Variants in ACACB observed in about 807,000 individuals in gnomAD.
ACACB encodes the protein acetyl-CoA carboxylase beta, also known as acetyl-CoA carboxylase 2.
A neutral mutation model predicts 278.8 loss-of-function variants in ACACB; 209 were observed. The ratio of observed to expected loss-of-function variants is 0.75; its 90% CI spans 0.67 to 0.84. The LOEUF (loss-of-function observed/expected upper bound fraction) is 0.84. ACACB is among the 40% of genes least tolerant of loss of function. The pLI, the probability that ACACB is intolerant of heterozygous loss-of-function variation, is 0.00. For synonymous variants in ACACB, 1,174 were observed against 1,285.6 expected (o/e 0.91, Z 1.86); for missense variants, 2,850 against 3,269.0 (o/e 0.87, Z 3.13).
intron 19 of ACACB, among the ~76,000 whole-genome samples, chr12:109,206,239 T>G (rs1370451545): frequency 1.3e-5 from 2 of 151,864 alleles, no homozygotes; most frequent in Admixed American, 1.3e-4. Flanking sequence ...ATCAAGACCA[T>G]CCTGGCCAAC....
chr12:109,254,199 G>C lies in ACACB; in HGVS notation c.6046-15G>C. Reference sequence around the variant, plus strand: ...GCACCACAGACTAAGTCAGAGACTTGGCTTTCTTTTTTAGGATAATCACAG... The same window carrying C: ...GCACCACAGACTAAGTCAGAGACTTCGCTTTCTTTTTTAGGATAATCACAG... On this transcript the variant is annotated splice_polypyrimidine_tract_variant and intron_variant, in intron 43 of 52. Coordinates refer to ENST00000338432, the MANE Select transcript of ACACB (RefSeq NM_001093.4). The C allele has an allele frequency of 6.2e-7, 1 of 1,613,454 alleles. No individual in the cohort carries two copies. The highest frequency in any genetic ancestry group is 8.5e-7 in the Non-Finnish European group (1 of 1,179,648).
intron 4 of ACACB, among the ~76,000 whole-genome samples, chr12:109,168,645 G>A (rs2043999758): frequency 6.6e-6 from 1 of 151,714 alleles, no homozygotes; most frequent in African/African-American, 2.4e-5. Flanking sequence ...ATAAGACCCT[G>A]TCTCTACAAA....
At chr12:109,143,766 A>T (rs2043175886) in intron 2 of ACACB, among the ~76,000 whole-genome samples, 1 of 152,054 alleles carries the variant, frequency 6.6e-6, no homozygotes, top group Non-Finnish European at 1.5e-5. Context: ...CACATCAAAG[A>T]ATCTTCAGGG....
rs761612668 is a variant in ACACB, at chr12:109,265,486, C to T, written c.7211C>T (p.Thr2404Met). The T allele has an allele frequency of 1.4e-5, 23 of 1,613,778 alleles. No homozygotes were observed. The highest frequency in any genetic ancestry group is 5.3e-5 in the African/African-American group (4 of 75,042). ...CGCTCCACCATCCGTGAGAACATCA[C>T]GTACCTGAAGCACGACTCTGTCCTC... ...GPRSTIRENI[T>M]YLKHDSVLKT... is the part of the protein sequence containing the mutation. Residue 2404 changes from threonine to methionine, a missense_variant, in exon 52 of 53, where the codon ACG (threonine) becomes ATG (methionine). Physicochemically the swap from Thr to Met is moderately conservative, Grantham distance 81. Transcript: ENST00000338432.
In ACACB at chr12:109,210,201, A is replaced by G. The variant is rs1455515376; in HGVS notation, c.3249+848A>G. Among the ~76,000 whole-genome samples, 13 of 13,568 alleles carry G rather than the reference A, an allele frequency of 9.6e-4. 2 individuals carry two copies. The highest frequency in any genetic ancestry group is 3.3e-3 in the South Asian group (2 of 610). 8.9% of individuals were successfully genotyped at this position (13,568 alleles called of 152,430 possible). On this transcript the variant is annotated intron_variant, in intron 21 of 52. Transcript: ENST00000338432. ...TATATATACACACGTGTGTATATGTATATATGTATATATACACACATGTGT... is the reference window on the plus strand; with the variant it reads ...TATATATACACACGTGTGTATATGTGTATATGTATATATACACACATGTGT...
At position 109,209,343 on chromosome 12, in the gene ACACB, C is replaced by G. The variant is rs752965758; in HGVS notation, c.3239C>G (p.Pro1080Arg). Reference sequence around the variant, plus strand: ...ATCACCTCGGTGCTGTGCCAGTTCCCCAGCCAGCAGGTGCGTGCTCCCCTG... The same window carrying G: ...ATCACCTCGGTGCTGTGCCAGTTCCGCAGCCAGCAGGTGCGTGCTCCCCTG... ...SNITSVLCQF[P>R]SQQIATILDC... Residue 1080 changes from proline to arginine, a missense_variant, in exon 21 of 53, where the codon CCC becomes CGC. Pro to Arg is a moderately radical substitution (Grantham distance 103, BLOSUM62 -2). This residue lies in a region of ACACB where 2,265 missense variants were observed against 2,561.3 expected (regional missense o/e 0.88). Coordinates refer to ENST00000338432, the MANE Select transcript of ACACB (RefSeq NM_001093.4). The G allele has an allele frequency of 1.9e-6, 3 of 1,610,000 alleles. No individual in the cohort carries two copies. The South Asian group carries it at 3.3e-5, about 18-fold the overall frequency.
At chr12:109,153,609 A>G (rs2043437400) in intron 2 of ACACB, among the ~76,000 whole-genome samples, 1 of 152,138 alleles carries the variant, frequency 6.6e-6, no homozygotes, top group African/African-American at 2.4e-5. Flanking sequence ...GATGACTTCT[A>G]GGTAGTGTTT....
chr12:109,163,519 G>T (rs1427602463), intron 2 of ACACB, among the ~76,000 whole-genome samples: 2 of 152,052 alleles, frequency 1.3e-5, no homozygotes, highest in African/African-American at 4.8e-5. Flanking sequence ...AGAAGAGAGA[G>T]AATAGGAGAG....
In ACACB at chr12:109,223,840, T is replaced by A; in HGVS notation, c.3818T>A (p.Ile1273Asn). The A allele has an allele frequency of 6.2e-7, 1 of 1,614,108 alleles. No individual in the cohort carries two copies. Among genetic ancestry groups the A allele is most frequent in the South Asian group, 1.1e-5 (1 of 91,088 alleles). The change falls in exon 27 of 53, where the codon ATC becomes AAC. Residue 1273 changes from isoleucine (I) to asparagine (N), a missense_variant. By Grantham distance (149) the Ile-to-Asn change is moderately radical. Transcript: ENST00000338432. ...LKKLILSETTIFDVLPTFFYH... is the reference protein window; with the variant it reads ...LKKLILSETTNFDVLPTFFYH... Reference sequence around the variant, plus strand: ...AAATTAATACTTTCGGAAACAACCATCTTCGACGTCCTGCCTACTTTCTTC... The same window carrying A: ...AAATTAATACTTTCGGAAACAACCAACTTCGACGTCCTGCCTACTTTCTTC...
intron 36 of ACACB, 143 bp from the exon 37 acceptor site, chr12:109,242,294 C>T (rs773071090): frequency 5.8e-5 from 51 of 878,150 alleles, no homozygotes; most frequent in African/African-American, 4.2e-4. Context: ...GGGAGTTTTA[C>T]GTAGCCCAGG....
rs1171967004 is a variant in ACACB, at chr12:109,267,986, G to C, written c.*1624G>C. On this transcript the variant is annotated 3_prime_UTR_variant, in exon 53 of 53. Transcript: ENST00000338432. ...CTGACCATCAGCCAGTGACAGTCCT[G>C]GCAAATGAAGGTGGGGCGGGGCAGT... 1.3e-5 allele frequency: 2 copies of C among 152,244 alleles called. No homozygotes were observed. Among genetic ancestry groups the C allele is most frequent in the African/African-American group, 4.8e-5 (2 of 41,538 alleles). The allele number at this position is 152,244 out of a possible 1,614,324, so 9.4% of individuals were successfully genotyped here. A position where few individuals can be genotyped will look rare whatever the true frequency, so the allele number is the denominator to read the frequency against.
At position 109,191,895 on chromosome 12, in the gene ACACB, G is replaced by A. The variant is rs142240913; in HGVS notation, c.2344G>A (p.Val782Met). Residue 782 changes from valine to methionine, a missense_variant, in exon 15 of 53, where the codon GTG becomes ATG. Physicochemically the swap from Val to Met is conservative, Grantham distance 21 (BLOSUM62 1). Around this residue, in one of 3 missense-constraint regions of ACACB, gnomAD observed 2,265 missense variants for 2,561.3 expected, o/e 0.88. Coordinates refer to ENST00000338432, the MANE Select transcript of ACACB (RefSeq NM_001093.4). ...TGGGGTGGTATGCGGGGCCTTGAACGTGGCCGATGCGATGTTCAGAACGTG... is the reference window on the plus strand; with the variant it reads ...TGGGGTGGTATGCGGGGCCTTGAACATGGCCGATGCGATGTTCAGAACGTG... ...MLGVVCGALN[V>M]ADAMFRTCMT... 1.3e-5 allele frequency: 21 copies of A among 1,614,106 alleles called. No homozygotes were observed. Among genetic ancestry groups the A allele is most frequent in the African/African-American group, 8.0e-5 (6 of 74,934 alleles).
At chr12:109,253,737 A>C (rs1370370096) in intron 43 of ACACB, among the ~76,000 whole-genome samples, 5 of 152,168 alleles carry the variant, frequency 3.3e-5, no homozygotes, top group African/African-American at 1.2e-4. Flanking sequence ...TCTTCATTAT[A>C]ACCATTTCTG....
chr12:109,247,503 T>C (rs2046979825), intron 39 of ACACB, 103 bp from the exon 40 acceptor site: 1 of 772,638 alleles, frequency 1.3e-6, no homozygotes. Context: ...GTTACTAACA[T>C]GTTATTAACA....
chr12:109,140,777 A>G (rs2043103435), intron 2 of ACACB, among the ~76,000 whole-genome samples: 1 of 151,798 alleles, frequency 6.6e-6, no homozygotes, highest in East Asian at 1.9e-4. Context: ...CCTTGTGTTT[A>G]GTTATAATTT....
intron 2 of ACACB, among the ~76,000 whole-genome samples, chr12:109,161,739 ATG>A (rs1555208803): frequency 1.3e-5 from 2 of 148,922 alleles, no homozygotes; most frequent in African/African-American, 2.5e-5. Flanking sequence ...TTTTGTGTGT[ATG>A]TGTGTGTGTG....
chr12:109,167,643 A>ATATATATATATATAT (rs1417620102), intron 3 of ACACB, among the ~76,000 whole-genome samples: 1 of 135,582 alleles, frequency 7.4e-6, no homozygotes, highest in African/African-American at 2.8e-5. Flanking sequence ...ATATATATAT[A>ATATATATATATATAT]TATATATATA....
At chr12:109,150,097 T>C (rs1201324410) in intron 2 of ACACB, among the ~76,000 whole-genome samples, 1 of 152,200 alleles carries the variant, frequency 6.6e-6, no homozygotes, top group African/African-American at 2.4e-5. Flanking sequence ...GCAGCACCCA[T>C]GGTGCGATCA....
chr12:109,255,281 C>G (rs945084176), intron 44 of ACACB, among the ~76,000 whole-genome samples: 2 of 152,236 alleles, frequency 1.3e-5, no homozygotes, highest in South Asian at 2.1e-4. Flanking sequence ...TATCCCAAAT[C>G]TAGAATTTCA....
Sources: gnomAD v4.1 joint callset for allele counts (sites outside exome capture counted in the v4.1 genomes callset) on GRCh38, gnomAD v4.1.1 for gene constraint, gnomAD v4.1.1 regional missense constraint, MANE v1.5 for transcripts, NCBI Gene and HGNC (gene_info 2026-07-23, HGNC 2026-07-21) for gene names.